TMEFF2: variants seen among roughly 807,000 people sequenced by gnomAD.
TMEFF2 encodes the protein tomoregulin-2.
Under a neutral mutation model 53.8 loss-of-function variants are expected in TMEFF2, and 28 were observed. The observed-to-expected ratio is 0.52, with a 90% CI of 0.39 to 0.71. The LOEUF is 0.71. Ranked by LOEUF, TMEFF2 falls within the 30% of genes least tolerant of loss-of-function variation. TMEFF2 has a pLI of 0.00. For missense variants in TMEFF2, 353 were observed against 455.2 expected, an observed-to-expected ratio of 0.78 and a Z score of 2.04; for synonymous variants, 162 against 166.3, an observed-to-expected ratio of 0.97 and a Z score of 0.20.
intron 5 of TMEFF2, among the ~76,000 whole-genome samples, chr2:192,015,308 CTTTTTTT>C (rs34696715): frequency 3.9e-5 from 3 of 76,276 alleles, no homozygotes; most frequent in Non-Finnish European, 6.8e-5. Flanking sequence ...ATCACTGAAG[CTTTTTTT>C]TTTTTTTTTT....
chr2:192,058,908 C>T (rs970934887), intron 4 of TMEFF2, among the ~76,000 whole-genome samples: 3 of 152,106 alleles, frequency 2.0e-5, no homozygotes, highest in African/African-American at 7.2e-5. Context: ...TATTAACATG[C>T]ACCTTGAACC....
chr2:192,138,991 A>G (rs1690074561), intron 4 of TMEFF2, among the ~76,000 whole-genome samples: 1 of 152,206 alleles, frequency 6.6e-6, no homozygotes, highest in African/African-American at 2.4e-5. Flanking sequence ...ATCACAAATG[A>G]TATCGATGAG....
intron 5 of TMEFF2, among the ~76,000 whole-genome samples, chr2:192,032,846 T>A (rs1687175462): frequency 6.6e-6 from 1 of 152,202 alleles, no homozygotes; most frequent in Non-Finnish European, 1.5e-5. Flanking sequence ...GCAAACAAAG[T>A]CGTCTTTGTG....
At position 191,949,260 on chromosome 2, in the gene TMEFF2, GATTA is replaced by G. The variant is rs538841523; in HGVS notation, c.*1047_*1050del. 101 of 985,236 alleles carry G rather than the reference GATTA, an allele frequency of 1.0e-4. No individual in the cohort carries two copies. The Middle Eastern group carries it at 1.6e-3, about 15-fold the overall frequency. 61.0% of individuals were successfully genotyped at this position (985,236 alleles called of 1,614,324 possible). A position where few individuals can be genotyped will look rare whatever the true frequency, so the allele number is the denominator to read the frequency against. On this transcript the variant is annotated 3_prime_UTR_variant, in exon 10 of 10. Coordinates refer to ENST00000272771, the MANE Select transcript of TMEFF2 (RefSeq NM_016192.4). ...CAGTGAGGTCTTTCAGATGCTATAGGATTAATTTTCTTTCTTACCTCACCACATA... is the reference window on the plus strand; with the variant it reads ...CAGTGAGGTCTTTCAGATGCTATAGGATTTTCTTTCTTACCTCACCACATA...
Position 192,179,714 on chromosome 2 carries a change from A to G in TMEFF2, c.413-20T>C, listed in dbSNP as rs1341460164. 6.6e-7 allele frequency: 1 copy of G among 1,517,462 alleles called. No homozygotes were observed. Among genetic ancestry groups the G allele is most frequent in the Non-Finnish European group, 8.7e-7 (1 of 1,143,442 alleles). The allele number at this position is 1,517,462 out of a possible 1,614,324, so 94.0% of individuals were successfully genotyped here. A position where few individuals can be genotyped will look rare whatever the true frequency, so the allele number is the denominator to read the frequency against. ...CTGCATCTGTGGGGGGAAAAGTTAT[A>G]TTTGCTAGTAAAACATATTCAAAAA... On this transcript the variant is annotated intron_variant, in intron 3 of 9. Coordinates refer to ENST00000272771, the MANE Select transcript of TMEFF2 (RefSeq NM_016192.4).
intron 7 of TMEFF2, among the ~76,000 whole-genome samples, chr2:191,961,397 T>C (rs1291136626): frequency 6.6e-6 from 1 of 152,106 alleles, no homozygotes; most frequent in African/African-American, 2.4e-5. Flanking sequence ...AAATTTTCAG[T>C]TTTGAATGTG....
At chr2:192,080,959 T>C (rs560097630) in intron 4 of TMEFF2, among the ~76,000 whole-genome samples, 29 of 152,340 alleles carry the variant, frequency 1.9e-4, no homozygotes, top group African/African-American at 6.7e-4. Context: ...TTATTTGTCG[T>C]TGCTGAATAA....
chr2:192,020,182 G>A, intron 5 of TMEFF2, among the ~76,000 whole-genome samples: 1 of 151,984 alleles, frequency 6.6e-6, no homozygotes, highest in East Asian at 1.9e-4. Context: ...TTGCCTAGTG[G>A]CATGTGCTGC....
At chr2:192,098,801 T>C (rs1044658209) in intron 4 of TMEFF2, among the ~76,000 whole-genome samples, 4 of 152,184 alleles carry the variant, frequency 2.6e-5, no homozygotes, top group South Asian at 4.1e-4. Flanking sequence ...AATTCATTAT[T>C]TGTATGTGAG....
rs991236071 is a variant in TMEFF2 at position 192,194,089 on chromosome 2, C to A, written c.172+264G>T. Among the ~76,000 whole-genome samples, 1 of 152,178 alleles carries A rather than the reference C, an allele frequency of 6.6e-6. No homozygotes were observed. The highest frequency in any genetic ancestry group is 2.4e-5 in the African/African-American group (1 of 41,436). ...GAAAACCATCCCGTTTAATATTTCT[C>A]AAAATCCTCGCAGCTCCAATGTAAG... On this transcript the variant is annotated intron_variant, in intron 1 of 9. Transcript: ENST00000272771. The surrounding 1 kb of genome is among the most constrained non-coding windows in gnomAD (Gnocchi z 4.2).
At chr2:191,979,182 CT>C (rs1685800198) in intron 7 of TMEFF2, among the ~76,000 whole-genome samples, 1 of 152,146 alleles carries the variant, frequency 6.6e-6, no homozygotes, top group Non-Finnish European at 1.5e-5. Context: ...ATCTTTTCTT[CT>C]TTTGGCTTAA....
chr2:192,136,010 C>T (rs1438492768), intron 4 of TMEFF2, among the ~76,000 whole-genome samples: 1 of 151,898 alleles, frequency 6.6e-6, no homozygotes, highest in Non-Finnish European at 1.5e-5. Context: ...CCTTCGCTGA[C>T]TCTCTTTTCG....
intron 4 of TMEFF2, among the ~76,000 whole-genome samples, chr2:192,066,416 C>T (rs992816759): frequency 6.6e-5 from 10 of 151,718 alleles, no homozygotes; most frequent in African/African-American, 1.4e-4. Flanking sequence ...TAACGGTTTA[C>T]GGTTCTAAAA....
chr2:192,190,907 T>C (rs989210321), intron 2 of TMEFF2, among the ~76,000 whole-genome samples: 2 of 152,076 alleles, frequency 1.3e-5, no homozygotes, highest in East Asian at 3.8e-4. Context: ...TCTTACAATC[T>C]TAGAAAAGTT....
intron 5 of TMEFF2, among the ~76,000 whole-genome samples, chr2:192,026,498 C>T (rs2105866704): frequency 6.6e-6 from 1 of 152,246 alleles, no homozygotes; most frequent in African/African-American, 2.4e-5. Flanking sequence ...TTTATGTGGC[C>T]AAGTGCAGTG....
intron 4 of TMEFF2, among the ~76,000 whole-genome samples, chr2:192,155,637 C>G (rs1690489720): frequency 1.3e-5 from 2 of 151,922 alleles, no homozygotes; most frequent in Admixed American, 1.3e-4. Flanking sequence ...GTTTTTCTCT[C>G]TAAAATCAGT....
intron 4 of TMEFF2, among the ~76,000 whole-genome samples, chr2:192,129,795 A>T (rs556520756): frequency 6.6e-6 from 1 of 152,362 alleles, no homozygotes; most frequent in Admixed American, 6.5e-5. Context: ...CAGTACATAC[A>T]TCATAAAACA....
At chr2:192,064,047 G>A (rs1688111339) in intron 4 of TMEFF2, among the ~76,000 whole-genome samples, 1 of 151,622 alleles carries the variant, frequency 6.6e-6, no homozygotes, top group South Asian at 2.1e-4. Flanking sequence ...GACATGTTTA[G>A]TTTTAAGCTC....
chr2:192,153,680 C>T (rs1246955309), intron 4 of TMEFF2, among the ~76,000 whole-genome samples: 1 of 151,772 alleles, frequency 6.6e-6, no homozygotes, highest in Non-Finnish European at 1.5e-5. Context: ...AAATCAACAC[C>T]TGTGGTATGA....
Sources: gnomAD v4.1 joint callset for allele counts (sites outside exome capture counted in the v4.1 genomes callset) on GRCh38, gnomAD v4.1.1 for gene constraint, Gnocchi (gnomAD v3.1) non-coding constraint, MANE v1.5 for transcripts, NCBI Gene and HGNC (gene_info 2026-07-23, HGNC 2026-07-21) for gene names.